EIF3H: variants seen among roughly 807,000 people sequenced by gnomAD.
EIF3H encodes the protein eukaryotic translation initiation factor 3 subunit H.
In EIF3H, 26 loss-of-function variants were observed where a neutral mutation model predicts 44.2. That is an observed-to-expected ratio of 0.59 (90% CI 0.43 to 0.82). The LOEUF (loss-of-function observed/expected upper bound fraction) is 0.82. Among genes scored for constraint, EIF3H ranks in the 40% least tolerant of loss-of-function variants. The pLI is 0.00. For synonymous variants in EIF3H, 166 were observed against 151.9 expected, an observed-to-expected ratio of 1.09 and a Z score of -0.68; for missense variants, 359 against 432.8, an observed-to-expected ratio of 0.83 and a Z score of 1.51.
rs1195796586 is a variant in EIF3H at position 116,752,716 on chromosome 8, GAA to G, written c.132+2948_132+2949del. Among the ~76,000 whole-genome samples the G allele has an allele frequency of 6.9e-3, 881 of 126,802 alleles. 33 individuals are homozygous for G. The highest frequency in any genetic ancestry group is 0.044 in the Admixed American group (516 of 11,684). 83.2% of individuals were successfully genotyped at this position (126,802 alleles called of 152,430 possible). On this transcript the variant is annotated intron_variant, in intron 1 of 7. Transcript: ENST00000521861. ...AGAAAGAAAGAAAGAAAGAAAGAAA[GAA>G]AGAAAGAAAGAAAGAAGAGAAAGAA...
At chr8:116,698,801 T>A (rs1306552061) in intron 2 of EIF3H, among the ~76,000 whole-genome samples, 2 of 152,162 alleles carry the variant, frequency 1.3e-5, no homozygotes, top group Non-Finnish European at 2.9e-5. Flanking sequence ...GAGACATAAA[T>A]CACTGTATAC....
chr8:116,657,528 T>A, intron 3 of EIF3H: 1 of 525,666 alleles, frequency 1.9e-6, no homozygotes, highest in Non-Finnish European at 3.4e-6. Context: ...TACAATAGAG[T>A]AATTTCCTCT....
chr8:116,694,959 CCT>C (rs1193288808), intron 2 of EIF3H, among the ~76,000 whole-genome samples: 1 of 152,072 alleles, frequency 6.6e-6, no homozygotes, highest in Admixed American at 6.5e-5. Flanking sequence ...CTCCATACTT[CCT>C]CTGTTTATCC....
At chr8:116,713,310 T>C (rs913182712) in intron 2 of EIF3H, among the ~76,000 whole-genome samples, 1 of 152,128 alleles carries the variant, frequency 6.6e-6, no homozygotes, top group Admixed American at 6.5e-5. Flanking sequence ...TTCCAAACCA[T>C]AGCACTTATG....
upstream of EIF3H, among the ~76,000 whole-genome samples, chr8:116,757,901 T>C (rs1252020558): frequency 6.6e-6 from 1 of 152,124 alleles, no homozygotes; most frequent in Non-Finnish European, 1.5e-5. Context: ...TTTGTATTTT[T>C]AGTAAAGACG....
chr8:116,718,371 C>A (rs1814688670), intron 2 of EIF3H, among the ~76,000 whole-genome samples: 1 of 152,080 alleles, frequency 6.6e-6, no homozygotes, highest in Admixed American at 6.6e-5. Context: ...TCCTGGGTAT[C>A]TACCAAGAAG....
At chr8:116,692,196 A>G (rs1199248120) in intron 2 of EIF3H, among the ~76,000 whole-genome samples, 3 of 152,140 alleles carry the variant, frequency 2.0e-5, no homozygotes, top group Non-Finnish European at 4.4e-5. Context: ...TACACATGCA[A>G]CTCTGCAGGC....
chr8:116,688,015 T>C (rs1334323508), intron 2 of EIF3H, among the ~76,000 whole-genome samples: 1 of 152,088 alleles, frequency 6.6e-6, no homozygotes, highest in African/African-American at 2.4e-5. Context: ...AAAGAAACAA[T>C]CTGAAGATAA....
rs747588910 is a variant in EIF3H at position 116,642,581 on chromosome 8, G to A, written c.*2425C>T. On this transcript the variant is annotated 3_prime_UTR_variant, in exon 8 of 8. Transcript: ENST00000521861. ...CTACTTTCTTGGTTTTTTAACATTC[G>A]ATTTTTTCATTAGATTAACATGCTA... is the stretch of plus-strand genomic sequence containing the variant. The A allele has an allele frequency of 2.0e-5, 3 of 151,944 alleles. No homozygotes were observed. The highest frequency in any genetic ancestry group is 4.4e-5 in the Non-Finnish European group (3 of 67,972). The allele number at this position is 151,944 out of a possible 1,614,324, so 9.4% of individuals were successfully genotyped here.
intron 1 of EIF3H, among the ~76,000 whole-genome samples, chr8:116,743,801 C>A (rs62510191): frequency 3.5e-4 from 22 of 63,272 alleles, no homozygotes; most frequent in East Asian, 3.3e-3. Context: ...TATATATAAA[C>A]ACACACACAC....
chr8:116,733,503 G>A (rs1177821677), intron 1 of EIF3H, among the ~76,000 whole-genome samples: 1 of 151,992 alleles, frequency 6.6e-6, no homozygotes, highest in African/African-American at 2.4e-5. Context: ...ATGAATAAAA[G>A]ACAGTCCTAT....
upstream of EIF3H, among the ~76,000 whole-genome samples, chr8:116,759,594 T>C (rs1053660510): frequency 6.6e-5 from 10 of 152,132 alleles, 1 homozygote; most frequent in East Asian, 1.9e-3. Flanking sequence ...TGTTGTTAAA[T>C]GTCATTTTAT....
intron 5 of EIF3H, among the ~76,000 whole-genome samples, chr8:116,655,407 G>T (rs571978755): frequency 5.9e-5 from 9 of 152,096 alleles, no homozygotes; most frequent in African/African-American, 2.2e-4. Flanking sequence ...TTTTACAACT[G>T]CAAGAGTCTG....
At chr8:116,690,735 T>C (rs1471559796) in intron 2 of EIF3H, among the ~76,000 whole-genome samples, 1 of 152,210 alleles carries the variant, frequency 6.6e-6, no homozygotes, top group African/African-American at 2.4e-5. Context: ...ATTTTTCTTA[T>C]AATTCTCAGT....
At chr8:116,744,214 T>TAAAAA (rs66854303) in intron 1 of EIF3H, among the ~76,000 whole-genome samples, 3 of 141,294 alleles carry the variant, frequency 2.1e-5, no homozygotes, top group Admixed American at 7.0e-5. Context: ...TAGAAAGTAT[T>TAAAAA]AAAAAAAAAA....
At chr8:116,669,025 A>T (rs1388853004) in intron 2 of EIF3H, among the ~76,000 whole-genome samples, 3 of 152,136 alleles carry the variant, frequency 2.0e-5, no homozygotes, top group Non-Finnish European at 4.4e-5. Context: ...AATCAGGAAA[A>T]TGGGGAGGGG....
At chr8:116,718,891 AT>A (rs936150254) in intron 2 of EIF3H, among the ~76,000 whole-genome samples, 6 of 151,586 alleles carry the variant, frequency 4.0e-5, no homozygotes, top group Non-Finnish European at 7.4e-5. Context: ...AAATATATAT[AT>A]ATTAAAATTA....
intron 2 of EIF3H, among the ~76,000 whole-genome samples, chr8:116,665,095 G>A (rs546635718): frequency 6.6e-6 from 1 of 152,296 alleles, no homozygotes; most frequent in East Asian, 1.9e-4. Flanking sequence ...AGGCTAGCCA[G>A]CCACCCATTT....
At chr8:116,685,085 T>C (rs1159391034) in intron 2 of EIF3H, among the ~76,000 whole-genome samples, 1 of 152,226 alleles carries the variant, frequency 6.6e-6, no homozygotes, top group Non-Finnish European at 1.5e-5. Context: ...TTATTTGATA[T>C]TGATATTATG....
Sources: allele counts gnomAD v4.1 joint callset (sites outside exome capture counted in the v4.1 genomes callset), GRCh38; gene constraint gnomAD v4.1.1; transcripts MANE v1.5; gene names NCBI Gene and HGNC (gene_info 2026-07-23, HGNC 2026-07-21).